The following IDO1 variants were observed in gnomAD, a reference collection of about 807,000 sequenced individuals.
IDO1 encodes indolamine 2,3 dioxygenase.
In IDO1, 35 loss-of-function variants were observed where a neutral mutation model predicts 38.8. The ratio of observed to expected loss-of-function variants is 0.90; its 90% CI spans 0.69 to 1.20. The LOEUF is 1.20. Ranked by LOEUF, IDO1 falls within the 50% of genes most tolerant of loss-of-function variation. The pLI is 0.00. For synonymous variants in IDO1, 171 were observed against 170.0 expected, an observed-to-expected ratio of 1.01 and a Z score of -0.05; for missense variants, 509 against 485.1, an observed-to-expected ratio of 1.05 and a Z score of -0.46.
chr8:39,927,781 T>G, intron 9 of IDO1, 49 bp from the exon 10 acceptor site: 3 of 1,213,768 alleles, frequency 2.5e-6, no homozygotes, highest in Non-Finnish European at 3.4e-6. Context: ...CTCTCCTGGA[T>G]TGGGGAATGC....
intron 3 of IDO1, chr8:39,918,448 C>G (rs991809703): frequency 1.1e-4 from 59 of 520,388 alleles, no homozygotes; most frequent in African/African-American, 1.1e-3. Context: ...TTACATAAAA[C>G]TAATACAGAC....
intron 6 of IDO1, 60 bp downstream of exon 6, chr8:39,922,711 C>G: frequency 1.8e-6 from 2 of 1,116,708 alleles, no homozygotes; most frequent in Non-Finnish European, 2.7e-6. Flanking sequence ...GCAATCACTT[C>G]GGAGCCTAAA....
Position 39,917,879 on chromosome 8 carries a change from A to G in IDO1, c.92A>G (p.Asn31Ser). The G allele has an allele frequency of 6.2e-7, 1 of 1,601,130 alleles. No individual in the cohort carries two copies. Among genetic ancestry groups the G allele is most frequent in the Non-Finnish European group, 8.5e-7 (1 of 1,171,366 alleles). ...AGATCTTTTTTTTTTTTCAAGGAAA[A>G]TCTACCTGATTTTTATAATGACTGG... ...VGFALPNPQE[N>S]LPDFYNDWMF... The change falls in exon 2 of 10, where the codon AAT (asparagine) becomes AGT (serine). Residue 31 changes from asparagine (N) to serine (S), a missense_variant. Asn to Ser is a conservative substitution (Grantham distance 46, BLOSUM62 1). Coordinates refer to ENST00000518237, the MANE Select transcript of IDO1 (RefSeq NM_002164.6).
In IDO1 at chr8:39,917,989, A is replaced by G. The variant is rs1302022965; in HGVS notation, c.183+19A>G. ...TGAGAAGGTTTGACATATGTATTAC[A>G]TTTGTCTTCTTGTATAGCTTCTTAA... On this transcript the variant is annotated intron_variant, in intron 2 of 9. Transcript: ENST00000518237. The G allele has an allele frequency of 6.2e-7, 1 of 1,611,442 alleles. No homozygotes were observed. The highest frequency in any genetic ancestry group is 1.1e-5 in the South Asian group (1 of 91,034).
intron 5 of IDO1, chr8:39,920,892 G>A (rs1250320514): frequency 6.6e-6 from 1 of 151,994 alleles, no homozygotes; most frequent in Non-Finnish European, 1.5e-5. Flanking sequence ...CCTTGGTGAA[G>A]CTAGACTAAT....
rs775068351 is a variant in IDO1, at chr8:39,923,620, G to A, written c.655+34G>A. 5.5e-6 allele frequency: 7 copies of A among 1,262,576 alleles called. No individual in the cohort carries two copies. The East Asian group carries it at 1.4e-4, about 25-fold the overall frequency. 78.2% of individuals were successfully genotyped at this position (1,262,576 alleles called of 1,614,324 possible). On this transcript the variant is annotated intron_variant, in intron 7 of 9. Transcript: ENST00000518237. ...TGTGTGCAGTGCAATAGTCTAGGCT[G>A]ACAAGTCAAATGTTCCAGGTGTAGA... is the stretch of plus-strand genomic sequence containing the variant.
At chr8:39,916,232 T>C (rs7825961) in intron 1 of IDO1, among the ~76,000 whole-genome samples, 1,946 of 150,146 alleles carry the variant, frequency 0.013, 49 homozygotes, top group African/African-American at 0.045. Context: ...TCCCAGCACT[T>C]TGGGAGGCTA....
At chr8:39,916,008 A>G (rs1173742010) in intron 1 of IDO1, among the ~76,000 whole-genome samples, 3 of 150,970 alleles carry the variant, frequency 2.0e-5, no homozygotes, top group Non-Finnish European at 4.4e-5. Context: ...TACTAAAAAA[A>G]TACAAAAATT....
At chr8:39,922,922 CA>C (rs1481146833) in intron 6 of IDO1, 5 of 412,926 alleles carry the variant, frequency 1.2e-5, no homozygotes, top group Admixed American at 8.2e-5. Flanking sequence ...GATACAGTGT[CA>C]TAAATTCAAT....
chr8:39,925,624 C>T (rs899089053), intron 9 of IDO1, among the ~76,000 whole-genome samples: 14 of 152,152 alleles, frequency 9.2e-5, no homozygotes, highest in Non-Finnish European at 1.9e-4. Flanking sequence ...TGACTCAAGC[C>T]TGTAATCCTA....
At chr8:39,922,034 CTT>C (rs1326984035) in intron 5 of IDO1, among the ~76,000 whole-genome samples, 1 of 152,122 alleles carries the variant, frequency 6.6e-6, no homozygotes, top group Non-Finnish European at 1.5e-5. Flanking sequence ...GAGTCTCGCT[CTT>C]GTCGCCCAGG....
chr8:39,917,247 G>A (rs1382205138), intron 1 of IDO1, among the ~76,000 whole-genome samples: 2 of 152,216 alleles, frequency 1.3e-5, no homozygotes, highest in South Asian at 4.1e-4. Context: ...TGTAATCCCA[G>A]CACTTTGGGA....
At chr8:39,920,880 C>T (rs1807261400) in intron 5 of IDO1, 2 of 151,566 alleles carry the variant, frequency 1.3e-5, no homozygotes, top group Admixed American at 6.6e-5. Context: ...AGTATAAACC[C>T]ACCTTGGTGA....
rs1399874504 is a variant in IDO1 at position 39,914,061 on chromosome 8, AC to A, written c.87+54del. On this transcript the variant is annotated intron_variant, in intron 1 of 9. Transcript: ENST00000518237. ...AAATGCATTCTTCTTCTCATTCCTT[AC>A]CTGGCCAAGTTAACTTCTACTGAAC... 8.4e-6 allele frequency: 11 copies of A among 1,309,216 alleles called. No homozygotes were observed. The African/African-American group carries it at 1.3e-4, about 16-fold the overall frequency. 81.1% of individuals were successfully genotyped at this position (1,309,216 alleles called of 1,614,324 possible).
intron 1 of IDO1, among the ~76,000 whole-genome samples, chr8:39,916,208 G>A (rs1290208284): frequency 6.7e-6 from 1 of 149,794 alleles, no homozygotes; most frequent in Non-Finnish European, 1.5e-5. Flanking sequence ...AGGTGCAGTG[G>A]CTTACACCTG....
intron 1 of IDO1, among the ~76,000 whole-genome samples, chr8:39,916,314 T>G (rs1807174426): frequency 6.6e-6 from 1 of 151,688 alleles, no homozygotes. Context: ...CTGACTCTAC[T>G]AAAAATGCAA....
intron 3 of IDO1, chr8:39,918,413 C>T: frequency 5.4e-6 from 3 of 560,704 alleles, no homozygotes; most frequent in South Asian, 5.0e-5. Flanking sequence ...CATTTTTCAT[C>T]CTGTATTTTA....
Position 39,917,929 on chromosome 8 carries a change from G to A in IDO1, c.142G>A (p.Asp48Asn), listed in dbSNP as rs1807200925. The A allele has an allele frequency of 6.2e-7, 1 of 1,612,850 alleles. No homozygotes were observed. The highest frequency in any genetic ancestry group is 1.3e-5 in the African/African-American group (1 of 74,736). Reference protein sequence around the residue: ...DWMFIAKHLPDLIESGQLRER... With the variant: ...DWMFIAKHLPNLIESGQLRER... The stretch of plus-strand genomic sequence containing the variant: ...GATGTTCATTGCTAAACATCTGCCT[G>A]ATCTCATAGAGTCTGGCCAGCTTCG... The change falls in exon 2 of 10, where the codon GAT becomes AAT. Residue 48 changes from aspartate to asparagine, a missense_variant. Asp to Asn is a conservative substitution (Grantham distance 23). Coordinates refer to ENST00000518237, the MANE Select transcript of IDO1 (RefSeq NM_002164.6).
At chr8:39,914,910 C>T (rs1047837238) in intron 1 of IDO1, among the ~76,000 whole-genome samples, 5 of 152,130 alleles carry the variant, frequency 3.3e-5, no homozygotes, top group Non-Finnish European at 7.3e-5. Flanking sequence ...GGATTATAGG[C>T]ACCTGCCACC....
Sources: gnomAD v4.1 joint callset for allele counts (sites outside exome capture counted in the v4.1 genomes callset) on GRCh38, gnomAD v4.1.1 for gene constraint, MANE v1.5 for transcripts, NCBI Gene and HGNC (gene_info 2026-07-23, HGNC 2026-07-21) for gene names.